Variants in GALNT18 observed in about 807,000 individuals in gnomAD.
GALNT18 encodes GalNAc-transferase 18.
A neutral mutation model predicts 69.5 loss-of-function variants in GALNT18; 44 were observed. That is an observed-to-expected ratio of 0.63 (90% CI 0.50 to 0.81). The LOEUF (loss-of-function observed/expected upper bound fraction) is 0.81, where lower values mean the gene tolerates loss of function less well. Ranked by LOEUF, GALNT18 falls within the 40% of genes least tolerant of loss-of-function variation. The probability of loss-of-function intolerance (pLI) is 0.00; values close to 1 mark genes in which losing one functional copy is unlikely to be tolerated. For missense variants in GALNT18, 715 were observed against 810.0 expected, an observed-to-expected ratio of 0.88 and a Z score of 1.42; for synonymous variants, 364 against 318.2, an observed-to-expected ratio of 1.14 and a Z score of -1.53.
rs151127547 is a variant in GALNT18 at position 11,435,375 on chromosome 11, C to T, written c.429-2588G>A. 1.1e-3 allele frequency among the ~76,000 whole-genome samples: 175 copies of T among 152,250 alleles called. No homozygotes were observed. Among genetic ancestry groups the T allele is most frequent in the Non-Finnish European group, 2.0e-3 (139 of 68,016 alleles). ...CTGCCAGTCTCTGGAAGCTGGTCTCCGGATGGTCTTTCTCCACGCAGAATG... is the reference window on the plus strand; with the variant it reads ...CTGCCAGTCTCTGGAAGCTGGTCTCTGGATGGTCTTTCTCCACGCAGAATG... On this transcript the variant is annotated intron_variant, in intron 2 of 10. Transcript: ENST00000227756. The surrounding 1 kb of genome is among the most constrained non-coding windows in gnomAD (Gnocchi z 4.4).
chr11:11,429,304 C>T (rs1855211933), intron 3 of GALNT18, among the ~76,000 whole-genome samples: 1 of 152,152 alleles, frequency 6.6e-6, no homozygotes, highest in African/African-American at 2.4e-5. Flanking sequence ...CTCTCACCTG[C>T]TAACGCTCTT....
At chr11:11,560,623 C>T (rs1858483859) in intron 1 of GALNT18, among the ~76,000 whole-genome samples, 1 of 152,206 alleles carries the variant, frequency 6.6e-6, no homozygotes, top group African/African-American at 2.4e-5. Flanking sequence ...CACAGCCCCT[C>T]TGGCTACAGG....
chr11:11,456,400 C>T (rs1468760999), intron 1 of GALNT18, among the ~76,000 whole-genome samples: 2 of 152,214 alleles, frequency 1.3e-5, no homozygotes, highest in African/African-American at 4.8e-5. Flanking sequence ...AGGCTACTCA[C>T]TTGGTCTGTA....
At chr11:11,367,310 C>G (rs1448327494) in intron 6 of GALNT18, among the ~76,000 whole-genome samples, 5 of 152,314 alleles carry the variant, frequency 3.3e-5, no homozygotes, top group African/African-American at 1.2e-4. Flanking sequence ...GTCATTATAA[C>G]AGTAGACCAT....
chr11:11,600,287 G>A lies in GALNT18; in HGVS notation c.235+21072C>T, dbSNP rs976071600. Among the ~76,000 whole-genome samples, 5 of 152,056 alleles carry A rather than the reference G, an allele frequency of 3.3e-5. No individual in the cohort carries two copies. The highest frequency in any genetic ancestry group is 1.2e-4 in the African/African-American group (5 of 41,430). On this transcript the variant is annotated intron_variant, in intron 1 of 10. Transcript: ENST00000227756. This position sits in a 1 kb window ranked among gnomAD's most constrained non-coding sequence, Gnocchi z 4.8. ...CTGTGTGACTCACATTCAGCCTGAA[G>A]AACAATCTGTAGTATTTCTTGTAAG...
rs1488371351 is a variant in GALNT18, at chr11:11,620,576, G to A, written c.235+783C>T. On this transcript the variant is annotated intron_variant, in intron 1 of 10. Coordinates refer to ENST00000227756, the MANE Select transcript of GALNT18 (RefSeq NM_198516.3). The surrounding 1 kb of genome is among the most constrained non-coding windows in gnomAD (Gnocchi z 6.9). ...TGAGAGTGGAGCTACAGTAGGGATC[G>A]GCCTTCACCCGGTCCCGGGCGGCTC... Among the ~76,000 whole-genome samples, 1 of 152,144 alleles carries A rather than the reference G, an allele frequency of 6.6e-6. No homozygotes were observed. The highest frequency in any genetic ancestry group is 2.4e-5 in the African/African-American group (1 of 41,436).
intron 8 of GALNT18, among the ~76,000 whole-genome samples, chr11:11,327,523 A>G (rs1849944460): frequency 6.6e-6 from 1 of 152,200 alleles, no homozygotes; most frequent in Non-Finnish European, 1.5e-5. Flanking sequence ...CCTGAGAGAA[A>G]TCTTTGCTCT....
At chr11:11,518,602 G>C (rs1248115278) in intron 1 of GALNT18, among the ~76,000 whole-genome samples, 1 of 152,204 alleles carries the variant, frequency 6.6e-6, no homozygotes, top group Non-Finnish European at 1.5e-5. Context: ...AGTGAGGGTT[G>C]CTCTTGGTCT....
rs1590082489 is a variant in GALNT18, at chr11:11,538,661, G to C, written c.235+82698C>G. Reference sequence around the variant, plus strand: ...TGATAGTGAGTCCTCCCTTCCTAGAGGTGCCTCCCGGAGCTCTGGTTTCCC... The same window carrying C: ...TGATAGTGAGTCCTCCCTTCCTAGACGTGCCTCCCGGAGCTCTGGTTTCCC... On this transcript the variant is annotated intron_variant, in intron 1 of 10. Transcript: ENST00000227756. This position sits in a 1 kb window ranked among gnomAD's most constrained non-coding sequence, Gnocchi z 5.2. Among the ~76,000 whole-genome samples the C allele has an allele frequency of 6.6e-6, 1 of 152,306 alleles. No individual in the cohort carries two copies.
In GALNT18 at chr11:11,343,018, A is replaced by T. The variant is rs117309562; in HGVS notation, c.1093-2014T>A. Among the ~76,000 whole-genome samples the T allele has an allele frequency of 2.5e-3, 388 of 152,346 alleles. 2 individuals carry two copies. Among genetic ancestry groups the T allele is most frequent in the South Asian group, 8.7e-3 (42 of 4,832 alleles). On this transcript the variant is annotated intron_variant, in intron 6 of 10. Coordinates refer to ENST00000227756, the MANE Select transcript of GALNT18 (RefSeq NM_198516.3). The stretch of plus-strand genomic sequence containing the variant: ...AGAATCACCCTGTGAGGCAGTTATT[A>T]TGCCCAATTCCAAGTGAGGAAGTGG...
chr11:11,418,422 C>T lies in GALNT18; in HGVS notation c.595+14199G>A, dbSNP rs140843409. 9.2e-5 allele frequency among the ~76,000 whole-genome samples: 14 copies of T among 152,278 alleles called. No homozygotes were observed. In the East Asian group the frequency reaches 1.4e-3, roughly 15 times the overall value. ...ATGTTGATTCCTTCCCTAATTAAGA[C>T]GATTCAAAAACAAAGGCAGGTTCTG... On this transcript the variant is annotated intron_variant, in intron 3 of 10. Coordinates refer to ENST00000227756, the MANE Select transcript of GALNT18 (RefSeq NM_198516.3).
In GALNT18 at chr11:11,404,709, T is replaced by C. The variant is rs780291030; in HGVS notation, c.596-25445A>G. ...CTCAACTCTCATTTCAACCTAACTC[T>C]GACTTCATCTCAACCTTAACATCCT... is the stretch of plus-strand genomic sequence containing the variant. On this transcript the variant is annotated intron_variant, in intron 3 of 10. Coordinates refer to ENST00000227756, the MANE Select transcript of GALNT18 (RefSeq NM_198516.3). The surrounding 1 kb of genome is among the most constrained non-coding windows in gnomAD (Gnocchi z 4.5). Among the ~76,000 whole-genome samples the C allele has an allele frequency of 3.3e-5, 5 of 152,190 alleles. No individual in the cohort carries two copies. Among genetic ancestry groups the C allele is most frequent in the African/African-American group, 9.7e-5 (4 of 41,444 alleles).
intron 1 of GALNT18, among the ~76,000 whole-genome samples, chr11:11,508,452 G>T (rs1042090962): frequency 6.6e-6 from 1 of 152,194 alleles, no homozygotes; most frequent in African/African-American, 2.4e-5. Flanking sequence ...GTAATTCTAA[G>T]TGTGGTCACT....
chr11:11,332,917 C>T lies in GALNT18; in HGVS notation c.1279-86G>A. The T allele has an allele frequency of 6.8e-7, 1 of 1,464,568 alleles. No homozygotes were observed. Among genetic ancestry groups the T allele is most frequent in the Non-Finnish European group, 9.4e-7 (1 of 1,062,502 alleles). 90.7% of individuals were successfully genotyped at this position (1,464,568 alleles called of 1,614,324 possible). ...TCTACTTTGGCATGACCTTGTGCCCCCAACAAGATTCCTAGAGACTGGGGA... is the reference window on the plus strand; with the variant it reads ...TCTACTTTGGCATGACCTTGTGCCCTCAACAAGATTCCTAGAGACTGGGGA... On this transcript the variant is annotated intron_variant, in intron 7 of 10. Coordinates refer to ENST00000227756, the MANE Select transcript of GALNT18 (RefSeq NM_198516.3). This position sits in a 1 kb window ranked among gnomAD's most constrained non-coding sequence, Gnocchi z 4.3.
At chr11:11,305,583 C>T (rs892899611) in intron 9 of GALNT18, among the ~76,000 whole-genome samples, 4 of 152,164 alleles carry the variant, frequency 2.6e-5, no homozygotes, top group South Asian at 2.1e-4. Context: ...CCACTACCCA[C>T]GAGCTATGTG....
At chr11:11,350,127 A>T (rs79741824) in intron 6 of GALNT18, among the ~76,000 whole-genome samples, 1 of 152,208 alleles carries the variant, frequency 6.6e-6, no homozygotes, top group African/African-American at 2.4e-5. Flanking sequence ...GCTTTCCATG[A>T]AGAAAAACTT....
chr11:11,541,267 C>T lies in GALNT18; in HGVS notation c.235+80092G>A, dbSNP rs1857913445. 6.6e-6 allele frequency among the ~76,000 whole-genome samples: 1 copy of T among 152,260 alleles called. No homozygotes were observed. Among genetic ancestry groups the T allele is most frequent in the South Asian group, 2.1e-4 (1 of 4,814 alleles). Reference sequence around the variant, plus strand: ...TGTGTTTTTGTGAACACTTTAGACCCAAAATCATCCAAACTCCTCCACCTC... The same window carrying T: ...TGTGTTTTTGTGAACACTTTAGACCTAAAATCATCCAAACTCCTCCACCTC... On this transcript the variant is annotated intron_variant, in intron 1 of 10. Transcript: ENST00000227756. The surrounding 1 kb of genome is among the most constrained non-coding windows in gnomAD (Gnocchi z 4.8).
Position 11,332,619 on chromosome 11 carries a change from C to T in GALNT18, c.1416+75G>A. On this transcript the variant is annotated intron_variant, in intron 8 of 10. Transcript: ENST00000227756. The surrounding 1 kb of genome is among the most constrained non-coding windows in gnomAD (Gnocchi z 4.3). ...CATGTGAGCAGCTGAGAGGCTCTTT[C>T]CCTCCTCTCCCTTTCTTCACTATGT... 6.5e-7 allele frequency: 1 copy of T among 1,536,320 alleles called. No homozygotes were observed. The highest frequency in any genetic ancestry group is 1.7e-5 in the Admixed American group (1 of 58,838).
chr11:11,519,187 G>C (rs1857342541), intron 1 of GALNT18, among the ~76,000 whole-genome samples: 1 of 152,164 alleles, frequency 6.6e-6, no homozygotes, highest in African/African-American at 2.4e-5. Flanking sequence ...AGCCCAGAGG[G>C]GTGTGGATCT....
Sources: gnomAD v4.1 joint callset for allele counts (sites outside exome capture counted in the v4.1 genomes callset) on GRCh38, gnomAD v4.1.1 for gene constraint, Gnocchi (gnomAD v3.1) non-coding constraint, MANE v1.5 for transcripts, NCBI Gene and HGNC (gene_info 2026-07-23, HGNC 2026-07-21) for gene names.